Variants in PCDH9 observed in about 807,000 individuals in gnomAD.
PCDH9 encodes protocadherin-9.
PCDH9 carries 24 observed loss-of-function variants against 70.6 expected under a neutral mutation model. The observed-to-expected ratio is 0.34, with a 90% CI of 0.25 to 0.48. The LOEUF (loss-of-function observed/expected upper bound fraction) is 0.48. Ranked by LOEUF, PCDH9 falls within the 20% of genes least tolerant of loss-of-function variation. The pLI is 0.99. For missense variants in PCDH9, 1,281 were observed against 1,503.6 expected (o/e 0.85, Z 2.45); for synonymous variants, 562 against 558.5 (o/e 1.01, Z -0.09).
intron 2 of PCDH9, among the ~76,000 whole-genome samples, chr13:66,957,416 T>C (rs1398243976): frequency 6.6e-6 from 1 of 152,176 alleles, no homozygotes; most frequent in Non-Finnish European, 1.5e-5. Context: ...TTGACGTTTT[T>C]GACAGAGAAA....
intron 3 of PCDH9, among the ~76,000 whole-genome samples, chr13:66,729,461 T>C (rs868099969): frequency 6.6e-6 from 1 of 152,176 alleles, no homozygotes; most frequent in Non-Finnish European, 1.5e-5. Flanking sequence ...AAATTGTAAA[T>C]CGATTTGTTT....
intron 3 of PCDH9, among the ~76,000 whole-genome samples, chr13:66,706,302 A>G (rs961027104): frequency 6.6e-6 from 1 of 152,202 alleles, no homozygotes; most frequent in African/African-American, 2.4e-5. Flanking sequence ...TTCATAAACT[A>G]TGTTTGCAAA....
chr13:66,481,143 G>A lies in PCDH9; in HGVS notation c.3340+150067C>T, dbSNP rs143111687. Among the ~76,000 whole-genome samples, 1,301 of 152,010 alleles carry A rather than the reference G, an allele frequency of 8.6e-3. 10 individuals are homozygous for A. The highest frequency in any genetic ancestry group is 0.014 in the Non-Finnish European group (919 of 67,956). On this transcript the variant is annotated intron_variant, in intron 4 of 4. Coordinates refer to ENST00000377865, the MANE Select transcript of PCDH9 (RefSeq NM_203487.3). Reference sequence around the variant, plus strand: ...CACAAAGAGGGGAACATTACATACCGGGGCCTGTCAGGGGATGGGGGATTA... The same window carrying A: ...CACAAAGAGGGGAACATTACATACCAGGGCCTGTCAGGGGATGGGGGATTA...
chr13:66,465,721 C>T (rs571794710), intron 4 of PCDH9, among the ~76,000 whole-genome samples: 36 of 151,710 alleles, frequency 2.4e-4, no homozygotes, highest in Non-Finnish European at 4.9e-4. Context: ...TATGAAATTT[C>T]CTTTCATTAT....
At chr13:66,951,302 G>C (rs1173257214) in intron 2 of PCDH9, among the ~76,000 whole-genome samples, 1 of 152,124 alleles carries the variant, frequency 6.6e-6, no homozygotes, top group Non-Finnish European at 1.5e-5. Flanking sequence ...TTCAGTGAAT[G>C]AAAGTCTACA....
At chr13:66,755,613 G>C (rs557612719) in intron 3 of PCDH9, among the ~76,000 whole-genome samples, 12 of 151,984 alleles carry the variant, frequency 7.9e-5, no homozygotes, top group African/African-American at 1.4e-4. Flanking sequence ...GGTGTGGGGT[G>C]GGGGGGCATC....
At chr13:66,705,860 T>C (rs966948744) in intron 3 of PCDH9, among the ~76,000 whole-genome samples, 1 of 152,204 alleles carries the variant, frequency 6.6e-6, no homozygotes, top group African/African-American at 2.4e-5. Flanking sequence ...TTACGTATCA[T>C]AAATATATTC....
chr13:66,772,255 G>A (rs1410162243), intron 3 of PCDH9, among the ~76,000 whole-genome samples: 1 of 152,170 alleles, frequency 6.6e-6, no homozygotes, highest in Non-Finnish European at 1.5e-5. Context: ...CAAGACACCT[G>A]CAGTAGGAGA....
chr13:66,796,630 T>C (rs1253155455), intron 3 of PCDH9, among the ~76,000 whole-genome samples: 1 of 82,084 alleles, frequency 1.2e-5, no homozygotes, highest in Non-Finnish European at 3.0e-5. Flanking sequence ...TTTAGTAATA[T>C]GCAGAATATA....
At chr13:66,686,022 G>A (rs1254782802) in intron 3 of PCDH9, among the ~76,000 whole-genome samples, 5 of 152,116 alleles carry the variant, frequency 3.3e-5, no homozygotes, top group African/African-American at 1.2e-4. Flanking sequence ...GGTGGAATGC[G>A]CTAAGACTTT....
chr13:66,429,014 T>G (rs1414798693), intron 4 of PCDH9, among the ~76,000 whole-genome samples: 1 of 151,840 alleles, frequency 6.6e-6, no homozygotes, highest in Admixed American at 6.6e-5. Context: ...CGAAAGAGAA[T>G]TTTAGTTTCA....
At chr13:66,852,166 T>C (rs1258800211) in intron 3 of PCDH9, among the ~76,000 whole-genome samples, 1 of 152,090 alleles carries the variant, frequency 6.6e-6, no homozygotes, top group African/African-American at 2.4e-5. Flanking sequence ...GTAGTAATAG[T>C]AGGCCTTAAT....
At chr13:67,215,700 A>G (rs1280246396) in intron 2 of PCDH9, 1 of 152,180 alleles carries the variant, frequency 6.6e-6, no homozygotes, top group East Asian at 1.9e-4. Context: ...TATTTTGAAC[A>G]TAAATGATGT....
intron 2 of PCDH9, among the ~76,000 whole-genome samples, chr13:66,962,654 T>C (rs2083367629): frequency 6.6e-6 from 1 of 152,182 alleles, no homozygotes; most frequent in Admixed American, 6.5e-5. Flanking sequence ...AAATATTGTA[T>C]TATTATATTA....
intron 2 of PCDH9, among the ~76,000 whole-genome samples, chr13:67,125,859 G>A (rs1446728809): frequency 6.6e-6 from 1 of 151,874 alleles, no homozygotes; most frequent in Non-Finnish European, 1.5e-5. Flanking sequence ...GTGTGTGTGT[G>A]TGTATGTATG....
chr13:66,304,610 A>G lies in PCDH9; in HGVS notation c.*45T>C. 6.6e-7 allele frequency: 1 copy of G among 1,514,004 alleles called. No homozygotes were observed. The highest frequency in any genetic ancestry group is 9.1e-7 in the Non-Finnish European group (1 of 1,095,196). The allele number at this position is 1,514,004 out of a possible 1,614,324, so 93.8% of individuals were successfully genotyped here. ...TACATAAAGCTCTGACGCACACGGTATTAGCATGTCTATTTAAAGTTATTA... is the reference window on the plus strand; with the variant it reads ...TACATAAAGCTCTGACGCACACGGTGTTAGCATGTCTATTTAAAGTTATTA... On this transcript the variant is annotated 3_prime_UTR_variant, in exon 5 of 5. Transcript: ENST00000377865.
chr13:66,698,324 TA>T (rs1566512659), intron 3 of PCDH9, among the ~76,000 whole-genome samples: 1 of 152,224 alleles, frequency 6.6e-6, no homozygotes, highest in Non-Finnish European at 1.5e-5. Flanking sequence ...TGAATATTGC[TA>T]AATGTCCCCT....
At chr13:66,666,522 T>C (rs928714659) in intron 3 of PCDH9, among the ~76,000 whole-genome samples, 3 of 152,146 alleles carry the variant, frequency 2.0e-5, no homozygotes, top group African/African-American at 4.8e-5. Flanking sequence ...GTGACCCCAC[T>C]TGTAGAAATG....
chr13:67,081,096 A>G (rs1182033729), intron 2 of PCDH9, among the ~76,000 whole-genome samples: 1 of 152,192 alleles, frequency 6.6e-6, no homozygotes, highest in African/African-American at 2.4e-5. Context: ...AAAGATATCC[A>G]TATGTATTGT....
Sources: allele counts gnomAD v4.1 joint callset (sites outside exome capture counted in the v4.1 genomes callset), GRCh38; gene constraint gnomAD v4.1.1; transcripts MANE v1.5; gene names NCBI Gene and HGNC (gene_info 2026-07-23, HGNC 2026-07-21).